Variants in SREBF2 observed in about 807,000 individuals in gnomAD.
SREBF2 encodes sterol regulatory element binding transcription factor 2.
Under a neutral mutation model 113.1 loss-of-function variants are expected in SREBF2, and 55 were observed. The ratio of observed to expected loss-of-function variants is 0.49; its 90% CI spans 0.39 to 0.61. The LOEUF (loss-of-function observed/expected upper bound fraction) is 0.61, where lower values mean the gene tolerates loss of function less well. Ranked by LOEUF, SREBF2 falls within the 20% of genes least tolerant of loss-of-function variation. SREBF2 has a pLI of 0.00. For synonymous variants in SREBF2, 593 were observed against 605.7 expected, an observed-to-expected ratio of 0.98 and a Z score of 0.31; for missense variants, 1,349 against 1,487.4, an observed-to-expected ratio of 0.91 and a Z score of 1.53.
intron 12 of SREBF2, 138 bp downstream of exon 12, chr22:41,893,423 TTTGTTTGA>T: frequency 9.6e-7 from 1 of 1,040,522 alleles, no homozygotes; most frequent in Non-Finnish European, 1.4e-6. Context: ...TGTTTGTTTG[TTTGTTTGA>T]ACCAAAGCTC....
intron 1 of SREBF2, among the ~76,000 whole-genome samples, chr22:41,863,943 G>C (rs1423916146): frequency 6.6e-6 from 1 of 151,314 alleles, no homozygotes; most frequent in Non-Finnish European, 1.5e-5. Flanking sequence ...GTACAGTGAC[G>C]CAGTCATCTC....
intron 1 of SREBF2, among the ~76,000 whole-genome samples, chr22:41,863,473 C>A (rs1452086600): frequency 6.6e-6 from 1 of 152,242 alleles, no homozygotes; most frequent in East Asian, 1.9e-4. Flanking sequence ...TCAACAAATT[C>A]TTAGATTTCT....
intron 4 of SREBF2, among the ~76,000 whole-genome samples, chr22:41,871,280 T>TTGGTCC (rs2077138542): frequency 6.6e-6 from 1 of 152,158 alleles, no homozygotes; most frequent in Non-Finnish European, 1.5e-5. Flanking sequence ...GGACCCTCTA[T>TTGGTCC]TCTTGGCTAA....
Position 41,880,945 on chromosome 22 carries a change from G to A in SREBF2, c.1991G>A (p.Arg664Gln), listed in dbSNP as rs376482369. Reference sequence around the variant, plus strand: ...GAAGACGAAGCTAAGACCAGCGCCCGGGATGCGGCTCTGGCCTATCACCGG... The same window carrying A: ...GAAGACGAAGCTAAGACCAGCGCCCAGGATGCGGCTCTGGCCTATCACCGG... ...GFEDEAKTSA[R>Q]DAALAYHRLH... The change falls in exon 10 of 19, where the codon CGG becomes CAG. Residue 664 changes from arginine (R) to glutamine (Q), a missense_variant. Arg to Gln is a conservative substitution (Grantham distance 43). Around this residue, in one of 2 missense-constraint regions of SREBF2, gnomAD observed 650 missense variants for 644.1 expected, o/e 1.01. Coordinates refer to ENST00000361204, the MANE Select transcript of SREBF2 (RefSeq NM_004599.4). 8.1e-6 allele frequency: 13 copies of A among 1,611,876 alleles called. No homozygotes were observed. Among genetic ancestry groups the A allele is most frequent in the African/African-American group, 4.0e-5 (3 of 75,048 alleles).
intron 15 of SREBF2, 191 bp from the exon 16 acceptor site, chr22:41,900,139 C>T (rs1296322851): frequency 1.0e-5 from 15 of 1,485,660 alleles, no homozygotes; most frequent in Admixed American, 4.1e-5. Flanking sequence ...AAGGGTGGGG[C>T]GCTAACCCTA....
At chr22:41,853,928 G>A (rs954760571) in intron 1 of SREBF2, among the ~76,000 whole-genome samples, 3 of 151,454 alleles carry the variant, frequency 2.0e-5, no homozygotes, top group East Asian at 2.0e-4. Context: ...CCAGCTACTC[G>A]GGAGGCTGAG....
chr22:41,893,024 C>G, intron 11 of SREBF2, 93 bp from the exon 12 acceptor site: 1 of 1,480,964 alleles, frequency 6.8e-7, no homozygotes, highest in Non-Finnish European at 9.3e-7. Flanking sequence ...TCCCCCAAAG[C>G]CCACCTCCAC....
rs1259817335 is a variant in SREBF2, at chr22:41,899,082, A to G, written c.2738+301A>G. 4 of 624,320 alleles carry G rather than the reference A, an allele frequency of 6.4e-6. No individual in the cohort carries two copies. In the African/African-American group the frequency reaches 7.6e-5, roughly 12 times the overall value. The allele number at this position is 624,320 out of a possible 1,614,324, so 38.7% of individuals were successfully genotyped here. Reference sequence around the variant, plus strand: ...CCACAGGCTGAAAAGAAGAGACGAGAGCAGTGTGGCCCCCAGCATCTTCAG... The same window carrying G: ...CCACAGGCTGAAAAGAAGAGACGAGGGCAGTGTGGCCCCCAGCATCTTCAG... On this transcript the variant is annotated intron_variant, in intron 15 of 18. Coordinates refer to ENST00000361204, the MANE Select transcript of SREBF2 (RefSeq NM_004599.4).
chr22:41,899,925 G>A (rs2077450499), intron 15 of SREBF2: 2 of 1,135,700 alleles, frequency 1.8e-6, no homozygotes, highest in South Asian at 4.1e-5. Context: ...ACAGAAAGAA[G>A]CTAACTAAGT....
rs1043680854 is a variant in SREBF2 at position 41,893,424 on chromosome 22, T to C, written c.2377+139T>C. ...TCCGTTTGTTTGTTTGTTTGTTTGT[T>C]TGTTTGAACCAAAGCTCAGGGAGGT... On this transcript the variant is annotated intron_variant, in intron 12 of 18. Coordinates refer to ENST00000361204, the MANE Select transcript of SREBF2 (RefSeq NM_004599.4). 71 of 1,025,828 alleles carry C rather than the reference T, an allele frequency of 6.9e-5. No individual in the cohort carries two copies. The Middle Eastern group carries it at 1.4e-3, about 20-fold the overall frequency. The allele number at this position is 1,025,828 out of a possible 1,614,324, so 63.5% of individuals were successfully genotyped here.
chr22:41,855,134 A>C lies in SREBF2; in HGVS notation c.89-11697A>C, dbSNP rs2076966428. On this transcript the variant is annotated intron_variant, in intron 1 of 18. Coordinates refer to ENST00000361204, the MANE Select transcript of SREBF2 (RefSeq NM_004599.4). ...TGTCAGAAATTTATTAACATTGTTA[A>C]TGAAGATAACAGGATGACAAATGGA... is the stretch of plus-strand genomic sequence containing the variant. Among the ~76,000 whole-genome samples, 3 of 152,152 alleles carry C rather than the reference A, an allele frequency of 2.0e-5. No individual in the cohort carries two copies. The South Asian group carries it at 6.2e-4, about 32-fold the overall frequency.
intron 1 of SREBF2, among the ~76,000 whole-genome samples, chr22:41,859,845 C>G (rs1452543273): frequency 2.6e-5 from 3 of 113,282 alleles, no homozygotes; most frequent in South Asian, 3.4e-4. Flanking sequence ...GAGTCTCGCT[C>G]TGTCACCCAG....
intron 7 of SREBF2, 34 bp downstream of exon 7, chr22:41,875,758 T>G (rs769377986): frequency 6.2e-7 from 1 of 1,611,608 alleles, no homozygotes; most frequent in Non-Finnish European, 8.5e-7. Flanking sequence ...ATCCCTGGAA[T>G]CTTTCCCATT....
At chr22:41,835,585 C>T (rs2076765190) in intron 1 of SREBF2, among the ~76,000 whole-genome samples, 1 of 152,088 alleles carries the variant, frequency 6.6e-6, no homozygotes. Context: ...GCTGAGATTA[C>T]AGGCATGAGC....
intron 1 of SREBF2, among the ~76,000 whole-genome samples, chr22:41,851,651 G>A (rs756426874): frequency 1.1e-4 from 17 of 151,916 alleles, no homozygotes; most frequent in South Asian, 2.1e-4. Flanking sequence ...GTACCACCAC[G>A]CCCAGCTGAT....
rs1279401708 is a variant in SREBF2 at position 41,884,785 on chromosome 22, G to GA, written c.2039-52dup. ...ACTTTGATCGTGCTGGAGAGAGCAG[G>GA]AAAAAGTTTGGTTTTGGGGCTCCAT... On this transcript the variant is annotated intron_variant, in intron 10 of 18. Transcript: ENST00000361204. 3 of 1,602,006 alleles carry GA rather than the reference G, an allele frequency of 1.9e-6. No individual in the cohort carries two copies. The African/African-American group carries it at 4.0e-5, about 21-fold the overall frequency.
At chr22:41,876,486 C>G (rs1484357574) in intron 7 of SREBF2, among the ~76,000 whole-genome samples, 1 of 152,150 alleles carries the variant, frequency 6.6e-6, no homozygotes, top group Non-Finnish European at 1.5e-5. Flanking sequence ...TCTGAGTCAT[C>G]AGAAGAAAAT....
rs369140680 is a variant in SREBF2, at chr22:41,861,641, G to A, written c.89-5190G>A. On this transcript the variant is annotated intron_variant, in intron 1 of 18. Coordinates refer to ENST00000361204, the MANE Select transcript of SREBF2 (RefSeq NM_004599.4). Reference sequence around the variant, plus strand: ...GATTTTAACAAATTATTAAAAACAGGGCCAGGCGCAGTGGCTCACACCTGT... The same window carrying A: ...GATTTTAACAAATTATTAAAAACAGAGCCAGGCGCAGTGGCTCACACCTGT... Among the ~76,000 whole-genome samples, 188 of 151,814 alleles carry A rather than the reference G, an allele frequency of 1.2e-3. 1 individual carries two copies. Among genetic ancestry groups the A allele is most frequent in the African/African-American group, 4.3e-3 (178 of 41,382 alleles).
In SREBF2 at chr22:41,867,186, G is replaced by C. The variant is rs2077089446; in HGVS notation, c.444G>C (p.Gln148His). The stretch of plus-strand genomic sequence containing the variant: ...AACCTCAAACTCAGCTGCAACAACA[G>C]ACGGTAATGATCACGCCAACATTCA... ...QPQPQTQLQQ[Q>H]TVMITPTFST... Residue 148 changes from glutamine to histidine, a missense_variant, in exon 2 of 19, where the codon CAG (glutamine) becomes CAC (histidine). Around this residue, in one of 2 missense-constraint regions of SREBF2, gnomAD observed 699 missense variants for 843.3 expected, o/e 0.83. Transcript: ENST00000361204. 2 of 1,614,048 alleles carry C rather than the reference G, an allele frequency of 1.2e-6. No individual in the cohort carries two copies. The highest frequency in any genetic ancestry group is 3.3e-5 in the Admixed American group (2 of 60,006).
Sources: gnomAD v4.1 joint callset for allele counts (sites outside exome capture counted in the v4.1 genomes callset) on GRCh38, gnomAD v4.1.1 for gene constraint, gnomAD v4.1.1 regional missense constraint, MANE v1.5 for transcripts, NCBI Gene and HGNC (gene_info 2026-07-23, HGNC 2026-07-21) for gene names.